Variants in DQX1 observed in about 807,000 individuals in gnomAD.
The protein encoded by DQX1 is DEAQ-box RNA dependent ATPase 1, also known as ATP-dependent RNA helicase homolog DQX1.
In DQX1, 66 loss-of-function variants were observed where a neutral mutation model predicts 81.3. That is an observed-to-expected ratio of 0.81 (90% CI 0.67 to 1.00). The LOEUF is 1.00. DQX1 is among the 50% of genes least tolerant of loss of function. The probability of loss-of-function intolerance (pLI) is 0.00; values close to 1 mark genes in which losing one functional copy is unlikely to be tolerated. For missense variants in DQX1, 798 were observed against 867.9 expected (o/e 0.92, Z 1.01); for synonymous variants, 290 against 350.0 (o/e 0.83, Z 1.91).
In DQX1 at chr2:74,520,539, C is replaced by T. The variant is rs1044215494; in HGVS notation, c.1496-505G>A. ...GGTATGGGTGGAGGGAATGAAATGA[C>T]GTGGCAGAATGGCAGGAGATAAAGC... is the stretch of plus-strand genomic sequence containing the variant. On this transcript the variant is annotated intron_variant, in intron 8 of 11. Transcript: ENST00000404568. Among the ~76,000 whole-genome samples, 11 of 152,034 alleles carry T rather than the reference C, an allele frequency of 7.2e-5. No individual in the cohort carries two copies. In the East Asian group the frequency reaches 9.7e-4, roughly 13 times the overall value.
At position 74,525,722 on chromosome 2, in the gene DQX1, G is replaced by T; in HGVS notation, c.8C>A (p.Ser3Tyr). Residue 3 changes from serine (S) to tyrosine (Y), a missense_variant, in exon 2 of 12, where the codon TCT (serine) becomes TAT (tyrosine). Coordinates refer to ENST00000404568, the MANE Select transcript of DQX1 (RefSeq NM_133637.3). This position sits in a 1 kb window ranked among gnomAD's most constrained non-coding sequence, Gnocchi z 4.1. The stretch of plus-strand genomic sequence containing the variant: ...CTCTTCTGCTAGCCTGAGAGGCTGA[G>T]AGGTCATGGTGGCTCTCTGGCAGGA... MT[S>Y]QPLRLAEEYG... The T allele has an allele frequency of 6.4e-7, 1 of 1,551,542 alleles. No homozygotes were observed. The highest frequency in any genetic ancestry group is 8.7e-7 in the Non-Finnish European group (1 of 1,146,880).
chr2:74,519,537 C>T lies in DQX1; in HGVS notation c.1806+19G>A. 1.9e-6 allele frequency: 3 copies of T among 1,613,012 alleles called. No individual in the cohort carries two copies. The highest frequency in any genetic ancestry group is 3.3e-4 in the Middle Eastern group (2 of 6,058). ...CTTTTGCTCCTTTGATCACCCTCAC[C>T]CCCACCCTTTCCTCTAACCTTGAGA... On this transcript the variant is annotated intron_variant, in intron 10 of 11. Coordinates refer to ENST00000404568, the MANE Select transcript of DQX1 (RefSeq NM_133637.3).
In DQX1 at chr2:74,523,488, A is replaced by C; in HGVS notation, c.866T>G (p.Leu289Arg). 1 of 1,614,028 alleles carries C rather than the reference A, an allele frequency of 6.2e-7. No individual in the cohort carries two copies. Among genetic ancestry groups the C allele is most frequent in the Non-Finnish European group, 8.5e-7 (1 of 1,179,994 alleles). Residue 289 changes from leucine (L) to arginine (R), a missense_variant, in exon 5 of 12, where the codon CTT becomes CGT. Leu to Arg is a moderately radical substitution (Grantham distance 102, BLOSUM62 -2). Transcript: ENST00000404568. ...TACTCGTGGTGGAAGCCCTTGGAGA[A>C]GCAAGGACTCTACCTCCCTGGACAA... The part of the protein sequence containing the change: ...ESLSREVESL[L>R]LQGLPPRVLP...
intron 8 of DQX1, 71 bp from the exon 9 acceptor site, chr2:74,520,105 T>A: frequency 6.4e-7 from 1 of 1,563,246 alleles, no homozygotes; most frequent in Non-Finnish European, 8.7e-7. Flanking sequence ...ACAGGTAGAA[T>A]GCTGAAAAGG....
chr2:74,524,007 C>T lies in DQX1; in HGVS notation c.732G>A (p.Arg244=), dbSNP rs1010116190. Residue 244 remains arginine, a synonymous_variant, in exon 4 of 12, where the codon CGG becomes CGA. Coordinates refer to ENST00000404568, the MANE Select transcript of DQX1 (RefSeq NM_133637.3). ...GCACTGCTTGGCAGGCAGCTTCCACCCGATCAGGTGGGATGGTGTCCCAGT... is the reference window on the plus strand; with the variant it reads ...GCACTGCTTGGCAGGCAGCTTCCACTCGATCAGGTGGGATGGTGTCCCAGT... The part of the protein sequence containing the change: ...PIYWDTIPPD[R]VEAACQAVLE... The T allele has an allele frequency of 1.9e-6, 3 of 1,614,160 alleles. No individual in the cohort carries two copies. The Admixed American group carries it at 5.0e-5, about 27-fold the overall frequency.
In DQX1 at chr2:74,525,458, C is replaced by T. The variant is rs1343525563; in HGVS notation, c.237+35G>A. The stretch of plus-strand genomic sequence containing the variant: ...CCCTTTGTCCTCCCTTTGTCCACTC[C>T]CAGAATCTGCCTGCCCCCACAACCC... On this transcript the variant is annotated intron_variant, in intron 2 of 11. Coordinates refer to ENST00000404568, the MANE Select transcript of DQX1 (RefSeq NM_133637.3). The surrounding 1 kb of genome is among the most constrained non-coding windows in gnomAD (Gnocchi z 4.1). 2 of 1,545,938 alleles carry T rather than the reference C, an allele frequency of 1.3e-6. No individual in the cohort carries two copies. Among genetic ancestry groups the T allele is most frequent in the South Asian group, 2.4e-5 (2 of 83,744 alleles).
chr2:74,525,823 A>G lies in DQX1; in HGVS notation c.-19-75T>C. On this transcript the variant is annotated intron_variant, in intron 1 of 11. Transcript: ENST00000404568. The surrounding 1 kb of genome is among the most constrained non-coding windows in gnomAD (Gnocchi z 4.1). Reference sequence around the variant, plus strand: ...TCTTCCCACCTCAGCCCTGATCCTTAACCTCTACCTTCAGTTGATCATGCT... The same window carrying G: ...TCTTCCCACCTCAGCCCTGATCCTTGACCTCTACCTTCAGTTGATCATGCT... The G allele has an allele frequency of 9.7e-7, 1 of 1,032,976 alleles. No individual in the cohort carries two copies. The highest frequency in any genetic ancestry group is 1.4e-6 in the Non-Finnish European group (1 of 710,132). The allele number at this position is 1,032,976 out of a possible 1,614,324, so 64.0% of individuals were successfully genotyped here.
In DQX1 at chr2:74,524,244, G is replaced by A. The variant is rs373712460; in HGVS notation, c.495C>T (p.Gly165=). 38 of 1,613,900 alleles carry A rather than the reference G, an allele frequency of 2.4e-5. No homozygotes were observed. In the African/African-American group the frequency reaches 4.1e-4, roughly 18 times the overall value. Residue 165 remains glycine, a synonymous_variant, in exon 4 of 12, where the codon GGC becomes GGT. Coordinates refer to ENST00000404568, the MANE Select transcript of DQX1 (RefSeq NM_133637.3). ...VASTRGTGAW[G]VLVLDEAQER... ...CCTGAGCCTCATCTAGTACCAGCACGCCCCAGGCTCCAGTGCCTCGGGTCG... is the reference window on the plus strand; with the variant it reads ...CCTGAGCCTCATCTAGTACCAGCACACCCCAGGCTCCAGTGCCTCGGGTCG...
At chr2:74,522,264 G>A (rs1675048470) in intron 8 of DQX1, among the ~76,000 whole-genome samples, 1 of 152,234 alleles carries the variant, frequency 6.6e-6, no homozygotes, top group African/African-American at 2.4e-5. Flanking sequence ...AGTGCAGTGG[G>A]TGAGCAATAC....
chr2:74,519,422 G>C, intron 10 of DQX1, 134 bp downstream of exon 10: 1 of 1,373,990 alleles, frequency 7.3e-7, no homozygotes. Flanking sequence ...AAATCCTCAA[G>C]GGAAAAGTCC....
chr2:74,522,679 A>G lies in DQX1; in HGVS notation c.1396T>C (p.Ser466Pro). ...AGCTCAGGGGCCAGAGGGAATTCTG[A>G]TAGTATGACACCCAGATCTGACAGG... ...GDLSDLGVIL[S>P]EFPLAPELAK... The change falls in exon 8 of 12, where the codon TCA (serine) becomes CCA (proline). Residue 466 changes from serine to proline, a missense_variant. By Grantham distance (74) the Ser-to-Pro change is moderately conservative. Coordinates refer to ENST00000404568, the MANE Select transcript of DQX1 (RefSeq NM_133637.3). 2 of 1,614,204 alleles carry G rather than the reference A, an allele frequency of 1.2e-6. No homozygotes were observed. The highest frequency in any genetic ancestry group is 1.7e-6 in the Non-Finnish European group (2 of 1,180,040).
intron 6 of DQX1, 37 bp from the exon 7 acceptor site, chr2:74,523,051 A>G: frequency 6.2e-7 from 1 of 1,613,966 alleles, no homozygotes; most frequent in Non-Finnish European, 8.5e-7. Context: ...AGACCACTGT[A>G]GATTTCTCAG....
chr2:74,518,692 G>A, intron 11 of DQX1, 90 bp from the exon 12 acceptor site: 3 of 1,318,626 alleles, frequency 2.3e-6, no homozygotes, highest in Non-Finnish European at 3.2e-6. Flanking sequence ...TGTTACCTGG[G>A]CTGGAGTTCA....
At position 74,519,594 on chromosome 2, in the gene DQX1, C is replaced by T. The variant is rs1488524760; in HGVS notation, c.1768G>A (p.Asp590Asn). Reference sequence around the variant, plus strand: ...CCTGACACCAGTGCTTTCTGAAGGTCTCTGCGATTCTGCTCAGAGCCAAAG... The same window carrying T: ...CCTGACACCAGTGCTTTCTGAAGGTTTCTGCGATTCTGCTCAGAGCCAAAG... Reference protein sequence around the residue: ...PAFGSEQNRRDLQKALVSGYF... With the variant: ...PAFGSEQNRRNLQKALVSGYF... The change falls in exon 10 of 12, where the codon GAC becomes AAC. Residue 590 changes from aspartate to asparagine, a missense_variant. Asp to Asn is a conservative substitution (Grantham distance 23, BLOSUM62 1). Coordinates refer to ENST00000404568, the MANE Select transcript of DQX1 (RefSeq NM_133637.3). The T allele has an allele frequency of 5.0e-6, 8 of 1,614,218 alleles. No homozygotes were observed. The Middle Eastern group carries it at 4.9e-4, about 100-fold the overall frequency.
intron 8 of DQX1, 109 bp downstream of exon 8, chr2:74,522,471 G>T (rs1675053299): frequency 1.9e-5 from 25 of 1,325,624 alleles, no homozygotes; most frequent in Non-Finnish European, 2.6e-5. Flanking sequence ...GCATTGTGAG[G>T]GGTGGCAACT....
Position 74,518,405 on chromosome 2 carries a change from T to C in DQX1, c.*41A>G, listed in dbSNP as rs1170609468. 1 of 1,607,336 alleles carries C rather than the reference T, an allele frequency of 6.2e-7. No individual in the cohort carries two copies. Among genetic ancestry groups the C allele is most frequent in the Non-Finnish European group, 8.5e-7 (1 of 1,175,372 alleles). The stretch of plus-strand genomic sequence containing the variant: ...GGTGTCACCCTGAGGGATAATCTAA[T>C]GTGATGAGATGAACCCAGCTCCATT... On this transcript the variant is annotated 3_prime_UTR_variant, in exon 12 of 12. Coordinates refer to ENST00000404568, the MANE Select transcript of DQX1 (RefSeq NM_133637.3).
Position 74,524,313 on chromosome 2 carries a change from G to T in DQX1, c.432-6C>A. 6.2e-7 allele frequency: 1 copy of T among 1,606,972 alleles called. No individual in the cohort carries two copies. Among genetic ancestry groups the T allele is most frequent in the South Asian group, 1.1e-5 (1 of 91,006 alleles). On this transcript the variant is annotated splice_polypyrimidine_tract_variant and splice_region_variant and intron_variant, in intron 3 of 11. Coordinates refer to ENST00000404568, the MANE Select transcript of DQX1 (RefSeq NM_133637.3). Reference sequence around the variant, plus strand: ...GCAGCCTGTCCCAGCAGAACCTGTTGACATTGGTAGTGGGCAGAGGAATCA... The same window carrying T: ...GCAGCCTGTCCCAGCAGAACCTGTTTACATTGGTAGTGGGCAGAGGAATCA...
rs1282109482 is a variant in DQX1, at chr2:74,523,353, G to T, written c.1001C>A (p.Pro334His). The change falls in exon 5 of 12, where the codon CCT (proline) becomes CAT (histidine). Residue 334 changes from proline (P) to histidine (H), a missense_variant. Pro to His is a moderately conservative substitution (Grantham distance 77, BLOSUM62 -2). Coordinates refer to ENST00000404568, the MANE Select transcript of DQX1 (RefSeq NM_133637.3). ...TGAGTCGATGACATGTTGGATGGAA[G>T]GGAGGGAGAAGGAGAAGTCAGCCAG... is the stretch of plus-strand genomic sequence containing the variant. ...HWLADFSFSL[P>H]SIQHVIDSGL... 4 of 1,614,098 alleles carry T rather than the reference G, an allele frequency of 2.5e-6. No individual in the cohort carries two copies. Among genetic ancestry groups the T allele is most frequent in the Non-Finnish European group, 3.4e-6 (4 of 1,180,042 alleles).
In DQX1 at chr2:74,525,202, T is replaced by G; in HGVS notation, c.238A>C (p.Ile80Leu). The G allele has an allele frequency of 1.3e-6, 2 of 1,550,732 alleles. No individual in the cohort carries two copies. Among genetic ancestry groups the G allele is most frequent in the Non-Finnish European group, 1.7e-6 (2 of 1,144,822 alleles). ...GEPGSGKSTQ[I>L]PQWCAEFALA... ...GCAAACTCTGCACACCACTGAGGGA[T>G]CTGGGATAGAAGTAGGGAAGGAGAG... Residue 80 changes from isoleucine to leucine, a missense_variant and splice_region_variant, in exon 3 of 12, where the codon ATC becomes CTC. Transcript: ENST00000404568. The surrounding 1 kb of genome is among the most constrained non-coding windows in gnomAD (Gnocchi z 4.1).
Sources: allele counts gnomAD v4.1 joint callset (sites outside exome capture counted in the v4.1 genomes callset), GRCh38; gene constraint gnomAD v4.1.1; non-coding constraint Gnocchi (gnomAD v3.1); transcripts MANE v1.5; gene names NCBI Gene and HGNC (gene_info 2026-07-23, HGNC 2026-07-21).